UTS2B: variants seen among roughly 807,000 people sequenced by gnomAD.
UTS2B encodes the protein urotensin-2B.
Under a neutral mutation model 19.2 loss-of-function variants are expected in UTS2B, and 21 were observed. The observed-to-expected ratio is 1.09, with a 90% CI of 0.78 to 1.58. The LOEUF (loss-of-function observed/expected upper bound fraction) is 1.58, where lower values mean the gene tolerates loss of function less well. UTS2B is among the 40% of genes most tolerant of loss of function. UTS2B has a pLI of 0.00. For synonymous variants in UTS2B, 57 were observed against 50.2 expected (o/e 1.14, Z -0.58); for missense variants, 138 against 130.3 (o/e 1.06, Z -0.29).
At chr3:191,340,664 C>T in the UTS2B span, among the ~76,000 whole-genome samples, 1 of 152,182 alleles carries the variant, frequency 6.6e-6, no homozygotes, top group Non-Finnish European at 1.5e-5. Flanking sequence ...TTTGGAGTGG[C>T]GGAGCTTATT....
chr3:191,326,204 T>G (rs13319838), intron 2 of UTS2B, among the ~76,000 whole-genome samples: 36,854 of 152,066 alleles, frequency 0.24, 4,968 homozygotes, highest in Non-Finnish European at 0.3. Flanking sequence ...ATAATAAAAT[T>G]GGATAACTAT....
chr3:191,306,323 C>T (rs1024840950), intron 3 of UTS2B, among the ~76,000 whole-genome samples: 1 of 152,158 alleles, frequency 6.6e-6, no homozygotes, highest in Non-Finnish European at 1.5e-5. Context: ...CACAAGTTAA[C>T]TTCAGAGATA....
intron 3 of UTS2B, among the ~76,000 whole-genome samples, chr3:191,307,075 A>T (rs1717159614): frequency 6.6e-6 from 1 of 152,228 alleles, no homozygotes; most frequent in Non-Finnish European, 1.5e-5. Flanking sequence ...TAAACAAAAG[A>T]AAGGTTCATA....
At chr3:191,340,282 A>G in the UTS2B span, among the ~76,000 whole-genome samples, 3 of 152,230 alleles carry the variant, frequency 2.0e-5, no homozygotes, top group African/African-American at 7.2e-5. Context: ...GGCTCTTTAT[A>G]CTATAATTTG....
chr3:191,280,520 T>C (rs1303134424), intron 5 of UTS2B, among the ~76,000 whole-genome samples: 1 of 152,186 alleles, frequency 6.6e-6, no homozygotes, highest in African/African-American at 2.4e-5. Flanking sequence ...GAACTCCCTC[T>C]AATCTTGGAC....
At chr3:191,313,080 G>A (rs942425796) in intron 3 of UTS2B, among the ~76,000 whole-genome samples, 3 of 149,380 alleles carry the variant, frequency 2.0e-5, no homozygotes, top group Admixed American at 6.7e-5. Flanking sequence ...GTGTGATCTC[G>A]GCCTCCCTGG....
At chr3:191,306,660 G>A (rs527992414) in intron 3 of UTS2B, among the ~76,000 whole-genome samples, 9 of 152,230 alleles carry the variant, frequency 5.9e-5, no homozygotes, top group Non-Finnish European at 1.2e-4. Context: ...TGTTTGAGAC[G>A]GAGTCTCTTG....
At chr3:191,345,482 T>C in the UTS2B span, among the ~76,000 whole-genome samples, 4 of 152,212 alleles carry the variant, frequency 2.6e-5, no homozygotes, top group Non-Finnish European at 5.9e-5. Flanking sequence ...ATTTGTGCTG[T>C]CAGATGGAAA....
At chr3:191,327,460 G>A (rs1717774243) in intron 2 of UTS2B, among the ~76,000 whole-genome samples, 1 of 152,212 alleles carries the variant, frequency 6.6e-6, no homozygotes, top group African/African-American at 2.4e-5. Flanking sequence ...GGAACTAGGG[G>A]AAGCCATCAC....
At chr3:191,317,880 A>C (rs1392768099) in intron 2 of UTS2B, among the ~76,000 whole-genome samples, 1 of 152,112 alleles carries the variant, frequency 6.6e-6, no homozygotes, top group Admixed American at 6.5e-5. Flanking sequence ...GCACCCGGCC[A>C]GGTTTTTTTA....
chr3:191,341,877 G>A, the UTS2B span, among the ~76,000 whole-genome samples: 2 of 152,110 alleles, frequency 1.3e-5, no homozygotes, highest in Non-Finnish European at 2.9e-5. Context: ...TCTGCTGTGC[G>A]GTCACCTTAT....
chr3:191,329,430 C>G (rs934989788), intron 1 of UTS2B: 2 of 447,376 alleles, frequency 4.5e-6, no homozygotes, highest in Non-Finnish European at 7.8e-6. Flanking sequence ...CGATTGGGGC[C>G]GGGGACGCGG....
chr3:191,271,946 C>T (rs1299981563), intron 8 of UTS2B, among the ~76,000 whole-genome samples: 1 of 152,134 alleles, frequency 6.6e-6, no homozygotes, highest in Non-Finnish European at 1.5e-5. Context: ...CCTAAGACTT[C>T]TCTGTATTTC....
chr3:191,276,890 T>TGCTTGCA, intron 6 of UTS2B, 46 bp from the exon 7 acceptor site: 1 of 1,568,018 alleles, frequency 6.4e-7, no homozygotes, highest in East Asian at 2.3e-5. Flanking sequence ...TTGCAAGTAA[T>TGCTTGCA]ATTTAATTTG....
chr3:191,329,501 G>A, intron 1 of UTS2B: 1 of 556,788 alleles, frequency 1.8e-6, no homozygotes. Flanking sequence ...ACCGTCTCCC[G>A]CTGCTTTGGT....
intron 8 of UTS2B, among the ~76,000 whole-genome samples, 181 bp from the exon 9 acceptor site, chr3:191,268,622 A>G (rs1203238646): frequency 6.6e-6 from 1 of 152,258 alleles, no homozygotes; most frequent in African/African-American, 2.4e-5. Flanking sequence ...AAAATTCAGC[A>G]TCTCCATCAT....
chr3:191,336,204 G>C, the UTS2B span, among the ~76,000 whole-genome samples: 1 of 151,396 alleles, frequency 6.6e-6, no homozygotes, highest in Non-Finnish European at 1.5e-5. Flanking sequence ...GACTTTCTGG[G>C]TTATACGGTG....
chr3:191,297,630 T>C (rs1335608395), intron 4 of UTS2B, among the ~76,000 whole-genome samples: 1 of 150,886 alleles, frequency 6.6e-6, no homozygotes, highest in African/African-American at 2.4e-5. Context: ...CTCTAAATTC[T>C]GGGTGGCCTG....
At chr3:191,308,209 G>A (rs190376993) in intron 3 of UTS2B, among the ~76,000 whole-genome samples, 17 of 152,304 alleles carry the variant, frequency 1.1e-4, no homozygotes, top group Non-Finnish European at 1.0e-4. Context: ...GAGAGCTATC[G>A]CTAGAACTTC....
Sources: gnomAD v4.1 joint callset for allele counts (sites outside exome capture counted in the v4.1 genomes callset) on GRCh38, gnomAD v4.1.1 for gene constraint, MANE v1.5 for transcripts, NCBI Gene and HGNC (gene_info 2026-07-23, HGNC 2026-07-21) for gene names.